Variants in COL27A1 observed in about 807,000 individuals in gnomAD.
COL27A1 encodes the protein collagen alpha-1(XXVII) chain.
Under a neutral mutation model 251.3 loss-of-function variants are expected in COL27A1, and 106 were observed. The ratio of observed to expected loss-of-function variants is 0.42; its 90% confidence interval spans 0.36 to 0.50. COL27A1 has a LOEUF of 0.50. COL27A1 is among the 20% of genes least tolerant of loss of function. COL27A1 has a pLI of 0.00. For synonymous variants in COL27A1, 1,000 were observed against 986.3 expected (o/e 1.01, Z -0.26); for missense variants, 2,325 against 2,522.8 (o/e 0.92, Z 1.68).
At chr9:114,179,365 A>G (rs1827715236) in intron 4 of COL27A1, among the ~76,000 whole-genome samples, 1 of 152,072 alleles carries the variant, frequency 6.6e-6, no homozygotes, top group African/African-American at 2.4e-5. Context: ...GATATCACAG[A>G]CGCTGCTAGC....
intron 49 of COL27A1, among the ~76,000 whole-genome samples, chr9:114,297,222 G>A (rs546269775): frequency 4.0e-4 from 61 of 152,252 alleles, no homozygotes; most frequent in African/African-American, 1.5e-3. Flanking sequence ...TTTTACTTTA[G>A]TAAGACTGTT....
intron 23 of COL27A1, among the ~76,000 whole-genome samples, chr9:114,244,458 CACTT>C (rs1193629295): frequency 1.3e-5 from 2 of 152,354 alleles, no homozygotes; most frequent in East Asian, 3.9e-4. Context: ...TGGGCAGCCT[CACTT>C]AATAGTTTCC....
At chr9:114,227,362 A>G in intron 14 of COL27A1, among the ~76,000 whole-genome samples, 1 of 132,584 alleles carries the variant, frequency 7.5e-6, no homozygotes. Flanking sequence ...GTGAGCATGG[A>G]CTGTGGGGTC....
At chr9:114,283,466 AAT>A (rs1836055578) in intron 39 of COL27A1, among the ~76,000 whole-genome samples, 1 of 152,254 alleles carries the variant, frequency 6.6e-6, no homozygotes, top group Admixed American at 6.5e-5. Context: ...AAGTCCTGAA[AAT>A]TTAGCAATCA....
chr9:114,253,295 A>AAAAGAAAGAAAGAAAAAAGGAAG (rs1833672765), intron 27 of COL27A1, among the ~76,000 whole-genome samples: 2 of 140,360 alleles, frequency 1.4e-5, no homozygotes, highest in African/African-American at 5.7e-5. Context: ...GAGACAGAGA[A>AAAAGAAAGAAAGAAAAAAGGAAG]AAAGAAAGAA....
intron 10 of COL27A1, 93 bp downstream of exon 10, chr9:114,206,389 G>T: frequency 7.7e-7 from 1 of 1,291,572 alleles, no homozygotes; most frequent in Non-Finnish European, 1.1e-6. Flanking sequence ...AGAGCTATAA[G>T]GAGAGCCAAG....
chr9:114,183,564 G>A (rs1828105677), intron 5 of COL27A1, among the ~76,000 whole-genome samples: 1 of 152,112 alleles, frequency 6.6e-6, no homozygotes, highest in African/African-American at 2.4e-5. Flanking sequence ...AGGGGTGTGG[G>A]AGGAGGTAGG....
Position 114,309,522 on chromosome 9 carries a change from T to C in COL27A1, c.5436+44T>C, listed in dbSNP as rs3736251. ...CCTAGGCCCTTCATGTGGGGACAACTGGAAAAACACTTGTTTGGAAAAATG... is the reference window on the plus strand; with the variant it reads ...CCTAGGCCCTTCATGTGGGGACAACCGGAAAAACACTTGTTTGGAAAAATG... On this transcript the variant is annotated intron_variant, in intron 60 of 60. Transcript: ENST00000356083. 5.7e-4 allele frequency: 844 copies of C among 1,478,412 alleles called. 6 individuals are homozygous for C. The East Asian group carries it at 0.018, about 32-fold the overall frequency. 91.6% of individuals were successfully genotyped at this position (1,478,412 alleles called of 1,614,324 possible).
chr9:114,236,263 C>T (rs1320390327), intron 17 of COL27A1, among the ~76,000 whole-genome samples: 1 of 152,184 alleles, frequency 6.6e-6, no homozygotes, highest in East Asian at 1.9e-4. Context: ...CACCTTTCTC[C>T]TCTGATTTTG....
intron 13 of COL27A1, 141 bp from the exon 14 acceptor site, chr9:114,222,081 AG>A: frequency 1.5e-6 from 1 of 655,274 alleles, no homozygotes; most frequent in Non-Finnish European, 2.7e-6. Flanking sequence ...GGCTCAGGAA[AG>A]TCGCTGGAGC....
At chr9:114,181,229 TCGCGTGC>T (rs987851471) in intron 4 of COL27A1, among the ~76,000 whole-genome samples, 1 of 152,022 alleles carries the variant, frequency 6.6e-6, no homozygotes, top group Admixed American at 6.6e-5. Flanking sequence ...CCAGGTTCTG[TCGCGTGC>T]CAGGAGACAG....
chr9:114,234,379 G>C (rs1267119371), intron 16 of COL27A1, among the ~76,000 whole-genome samples: 1 of 152,130 alleles, frequency 6.6e-6, no homozygotes, highest in South Asian at 2.1e-4. Flanking sequence ...CCTTAGCCAT[G>C]TGTGGGTTTT....
intron 7 of COL27A1, among the ~76,000 whole-genome samples, chr9:114,202,598 C>T (rs1197796783): frequency 6.6e-6 from 1 of 152,188 alleles, no homozygotes; most frequent in Non-Finnish European, 1.5e-5. Flanking sequence ...ATCATATCAC[C>T]GCCAGCATGC....
At chr9:114,306,971 G>T in intron 58 of COL27A1, 1 of 378,918 alleles carries the variant, frequency 2.6e-6, no homozygotes. Flanking sequence ...AGGCTCCCGG[G>T]TGAGCCAGGA....
chr9:114,195,989 A>G lies in COL27A1; in HGVS notation c.2101A>G (p.Asn701Asp). The change falls in exon 7 of 61, where the codon AAT becomes GAT. Residue 701 changes from asparagine (N) to aspartate (D), a missense_variant. Physicochemically the swap from Asn to Asp is conservative, Grantham distance 23. This residue lies in a region of COL27A1 where 1,183 missense variants were observed against 1,144.1 expected (regional missense o/e 1.03). Coordinates refer to ENST00000356083, the MANE Select transcript of COL27A1 (RefSeq NM_032888.4). ...CATGGGCTTGCCTGGGCTCTCCGGGAATCCAGGACCTCCGGGACGAAAGGT... is the reference window on the plus strand; with the variant it reads ...CATGGGCTTGCCTGGGCTCTCCGGGGATCCAGGACCTCCGGGACGAAAGGT... ...GDMGLPGLSGNPGPPGRKGHK... is the reference protein window; with the variant it reads ...GDMGLPGLSGDPGPPGRKGHK... 6.2e-7 allele frequency: 1 copy of G among 1,614,040 alleles called. No individual in the cohort carries two copies. Among genetic ancestry groups the G allele is most frequent in the Non-Finnish European group, 8.5e-7 (1 of 1,179,982 alleles).
In COL27A1 at chr9:114,306,563, A is replaced by G. The variant is rs1339161873; in HGVS notation, c.4982A>G (p.Glu1661Gly). 6.2e-7 allele frequency: 1 copy of G among 1,613,838 alleles called. No homozygotes were observed. Among genetic ancestry groups the G allele is most frequent in the Non-Finnish European group, 8.5e-7 (1 of 1,180,018 alleles). ...PDRLVLDQGG[E>G]IFKTLHYLSN... ...CGGCTGGTGCTGGACCAGGGAGGAG[A>G]GATCTTTAAAACCTTACACTACCTC... is the stretch of plus-strand genomic sequence containing the variant. Residue 1661 changes from glutamate (E) to glycine (G), a missense_variant, in exon 58 of 61, where the codon GAG becomes GGG. Glu to Gly is a moderately conservative substitution (Grantham distance 98, BLOSUM62 -2). Coordinates refer to ENST00000356083, the MANE Select transcript of COL27A1 (RefSeq NM_032888.4).
intron 41 of COL27A1, among the ~76,000 whole-genome samples, chr9:114,285,661 G>C (rs573635643): frequency 6.0e-4 from 92 of 152,326 alleles, no homozygotes; most frequent in Non-Finnish European, 1.0e-3. Flanking sequence ...GAGGAGGACA[G>C]CTCAGCCATG....
intron 49 of COL27A1, among the ~76,000 whole-genome samples, chr9:114,299,036 C>G (rs1462502078): frequency 6.6e-6 from 1 of 152,072 alleles, no homozygotes; most frequent in Non-Finnish European, 1.5e-5. Context: ...CAAATGAAAA[C>G]CACCAAGAGA....
chr9:114,292,050 G>T, intron 48 of COL27A1, 53 bp from the exon 49 acceptor site: 1 of 1,486,848 alleles, frequency 6.7e-7, no homozygotes, highest in Non-Finnish European at 9.2e-7. Flanking sequence ...GCCTCCTCCT[G>T]CCTTAGAACC....
Sources: gnomAD v4.1 joint callset for allele counts (sites outside exome capture counted in the v4.1 genomes callset) on GRCh38, gnomAD v4.1.1 for gene constraint, gnomAD v4.1.1 regional missense constraint, MANE v1.5 for transcripts, NCBI Gene and HGNC (gene_info 2026-07-23, HGNC 2026-07-21) for gene names.